Variants in CNTNAP2 observed in about 807,000 individuals in gnomAD.
The protein encoded by CNTNAP2 is contactin-associated protein-like 2.
In CNTNAP2, 98 loss-of-function variants were observed where a neutral mutation model predicts 155.2. The observed-to-expected ratio is 0.63, with a 90% CI of 0.54 to 0.75. The LOEUF is 0.75. Ranked by LOEUF, CNTNAP2 falls within the 30% of genes least tolerant of loss-of-function variation. The pLI is 0.00. For missense variants in CNTNAP2, 1,727 were observed against 1,688.1 expected, an observed-to-expected ratio of 1.02 and a Z score of -0.40; for synonymous variants, 651 against 631.2, an observed-to-expected ratio of 1.03 and a Z score of -0.47.
At chr7:147,273,808 A>C (rs928604063) in intron 8 of CNTNAP2, among the ~76,000 whole-genome samples, 2 of 146,936 alleles carry the variant, frequency 1.4e-5, no homozygotes, top group Non-Finnish European at 3.0e-5. Flanking sequence ...TTTTATATCT[A>C]TACATATATA....
chr7:146,609,924 T>G (rs1192797552), intron 1 of CNTNAP2, among the ~76,000 whole-genome samples: 3 of 152,090 alleles, frequency 2.0e-5, no homozygotes, highest in Admixed American at 6.5e-5. Flanking sequence ...GAGTACATGG[T>G]AGATAAGTAA....
rs116205709 is a variant in CNTNAP2, at chr7:146,558,698, T to C, written c.98-215573T>C. Among the ~76,000 whole-genome samples, 699 of 152,346 alleles carry C rather than the reference T, an allele frequency of 4.6e-3. 5 individuals are homozygous for C. The highest frequency in any genetic ancestry group is 0.016 in the African/African-American group (652 of 41,582). ...TAACTCAAGGTGGATACTGTATCTC[T>C]AAGACTTATTCATCTTGGAAAACCA... On this transcript the variant is annotated intron_variant, in intron 1 of 23. Coordinates refer to ENST00000361727, the MANE Select transcript of CNTNAP2 (RefSeq NM_014141.6).
At chr7:147,995,858 C>T (rs1215090964) in intron 15 of CNTNAP2, among the ~76,000 whole-genome samples, 6 of 151,800 alleles carry the variant, frequency 4.0e-5, no homozygotes, top group Admixed American at 3.9e-4. Context: ...AGACTGTGCT[C>T]TTTTCCCTTG....
chr7:146,245,144 A>C (rs1799624614), intron 1 of CNTNAP2, among the ~76,000 whole-genome samples: 2 of 152,110 alleles, frequency 1.3e-5, no homozygotes, highest in Admixed American at 6.6e-5. Flanking sequence ...CAATAAATCA[A>C]GCGTGATCAG....
chr7:146,219,194 C>T (rs1170746835), intron 1 of CNTNAP2, among the ~76,000 whole-genome samples: 1 of 152,112 alleles, frequency 6.6e-6, no homozygotes, highest in Non-Finnish European at 1.5e-5. Context: ...CATAAATCAC[C>T]TCCCACCAGG....
intron 9 of CNTNAP2, among the ~76,000 whole-genome samples, chr7:147,308,049 G>A (rs1464033584): frequency 1.3e-5 from 2 of 152,088 alleles, no homozygotes; most frequent in Non-Finnish European, 1.5e-5. Flanking sequence ...TCTTGGGAGG[G>A]GATTGAGGAT....
At chr7:146,803,388 G>A (rs1044377089) in intron 2 of CNTNAP2, among the ~76,000 whole-genome samples, 1 of 152,064 alleles carries the variant, frequency 6.6e-6, no homozygotes, top group Non-Finnish European at 1.5e-5. Context: ...AAGAACACAG[G>A]GTGGACTAGA....
chr7:148,320,532 C>T (rs760096256), intron 21 of CNTNAP2, among the ~76,000 whole-genome samples: 1 of 151,774 alleles, frequency 6.6e-6, no homozygotes, highest in East Asian at 1.9e-4. Flanking sequence ...TACAAGCATG[C>T]ACCACCATAC....
intron 13 of CNTNAP2, chr7:147,897,001 A>G (rs1011066109): frequency 1.3e-5 from 2 of 152,212 alleles, no homozygotes; most frequent in Admixed American, 1.3e-4. Flanking sequence ...AATTTTGCAC[A>G]GGCGGCTTCA....
At chr7:147,830,085 G>C (rs1396104272) in intron 13 of CNTNAP2, among the ~76,000 whole-genome samples, 3 of 151,810 alleles carry the variant, frequency 2.0e-5, no homozygotes, top group Non-Finnish European at 4.4e-5. Flanking sequence ...TGTTTCCATG[G>C]GGCATTCAAT....
In CNTNAP2 at chr7:146,254,129, GCACACACA is replaced by G. The variant is rs3050025; in HGVS notation, c.97+137183_97+137190del. ...ATGTTCAGTGTATTCATTGCTACTTGCACACACACACACACACACACACACACACACAC... is the reference window on the plus strand; with the variant it reads ...ATGTTCAGTGTATTCATTGCTACTTGCACACACACACACACACACACACAC... On this transcript the variant is annotated intron_variant, in intron 1 of 23. Coordinates refer to ENST00000361727, the MANE Select transcript of CNTNAP2 (RefSeq NM_014141.6). Among the ~76,000 whole-genome samples the G allele has an allele frequency of 2.0e-3, 294 of 144,966 alleles. 7 individuals carry two copies. In the East Asian group the frequency reaches 0.025, roughly 12 times the overall value.
chr7:146,702,442 A>T (rs2129173522), intron 1 of CNTNAP2, among the ~76,000 whole-genome samples: 1 of 152,294 alleles, frequency 6.6e-6, no homozygotes, highest in East Asian at 1.9e-4. Flanking sequence ...TTCTATCTAG[A>T]AATGTTTTTA....
In CNTNAP2 at chr7:147,431,345, C is replaced by T. The variant is rs1158237110; in HGVS notation, c.1670+35565C>T. ...GGTGTCTCTCTATCTCTTTTGGAAC[C>T]TGTCCCTTTAATAGCTTCTGAGAAA... On this transcript the variant is annotated intron_variant, in intron 10 of 23. Transcript: ENST00000361727. Among the ~76,000 whole-genome samples, 5 of 152,150 alleles carry T rather than the reference C, an allele frequency of 3.3e-5. No homozygotes were observed. In the East Asian group the frequency reaches 5.8e-4, roughly 18 times the overall value.
At chr7:148,270,939 G>A (rs997111169) in intron 21 of CNTNAP2, among the ~76,000 whole-genome samples, 6 of 152,148 alleles carry the variant, frequency 3.9e-5, no homozygotes, top group African/African-American at 1.4e-4. Flanking sequence ...ACTCCCTGAG[G>A]GCAGAAGGCA....
chr7:147,054,478 G>A (rs1409139422), intron 4 of CNTNAP2, among the ~76,000 whole-genome samples: 1 of 152,042 alleles, frequency 6.6e-6, no homozygotes, highest in Non-Finnish European at 1.5e-5. Flanking sequence ...TATGATAGAT[G>A]ATTGCAGAGA....
chr7:146,700,233 T>G (rs1294132988), intron 1 of CNTNAP2, among the ~76,000 whole-genome samples: 1 of 152,088 alleles, frequency 6.6e-6, no homozygotes, highest in Non-Finnish European at 1.5e-5. Context: ...AGTGTTGACT[T>G]CTTTTGGTGT....
chr7:147,403,766 A>C (rs1584928233), intron 10 of CNTNAP2, among the ~76,000 whole-genome samples: 1 of 152,178 alleles, frequency 6.6e-6, no homozygotes, highest in African/African-American at 2.4e-5. Flanking sequence ...CCCAGAACCT[A>C]CTTTATATGA....
intron 1 of CNTNAP2, among the ~76,000 whole-genome samples, chr7:146,488,361 G>A (rs374466632): frequency 4.4e-4 from 64 of 147,102 alleles, no homozygotes; most frequent in Middle Eastern, 3.6e-3. Context: ...TATTATTCAA[G>A]AGTTATAAGT....
At chr7:147,633,586 C>T (rs1429907607) in intron 12 of CNTNAP2, among the ~76,000 whole-genome samples, 1 of 152,168 alleles carries the variant, frequency 6.6e-6, no homozygotes, top group Non-Finnish European at 1.5e-5. Context: ...CCACCCAAAT[C>T]TCATCCTGAA....
Sources: allele counts gnomAD v4.1 joint callset (sites outside exome capture counted in the v4.1 genomes callset), GRCh38; gene constraint gnomAD v4.1.1; transcripts MANE v1.5; gene names NCBI Gene and HGNC (gene_info 2026-07-23, HGNC 2026-07-21).